BANK1: variants seen among roughly 807,000 people sequenced by gnomAD.
BANK1 encodes the protein B-cell scaffold protein with ankyrin repeats.
Under a neutral mutation model 94.5 loss-of-function variants are expected in BANK1, and 95 were observed. The ratio of observed to expected loss-of-function variants is 1.00; its 90% CI spans 0.85 to 1.19. The LOEUF is 1.19. Among genes scored for constraint, BANK1 ranks in the 50% most tolerant of loss-of-function variants. The pLI is 0.00. For synonymous variants in BANK1, 334 were observed against 308.4 expected (o/e 1.08, Z -0.87); for missense variants, 987 against 932.2 (o/e 1.06, Z -0.77).
At chr4:101,995,282 T>G (rs1326738521) in intron 7 of BANK1, among the ~76,000 whole-genome samples, 2 of 152,212 alleles carry the variant, frequency 1.3e-5, no homozygotes, top group Non-Finnish European at 2.9e-5. Context: ...AACTCATTCT[T>G]CTTTATGGCT....
intron 7 of BANK1, among the ~76,000 whole-genome samples, chr4:101,958,338 A>G (rs1724437093): frequency 6.6e-6 from 1 of 152,100 alleles, no homozygotes; most frequent in African/African-American, 2.4e-5. Context: ...GTTTTCCAAA[A>G]TGGAATAGTA....
chr4:102,025,035 G>T (rs1027331805), intron 8 of BANK1, among the ~76,000 whole-genome samples, 166 bp from the exon 9 acceptor site: 2 of 152,118 alleles, frequency 1.3e-5, no homozygotes, highest in African/African-American at 4.8e-5. Flanking sequence ...TAAAAACCCA[G>T]AAATAAATGA....
At chr4:101,988,522 AT>A (rs1030247850) in intron 7 of BANK1, among the ~76,000 whole-genome samples, 1 of 152,184 alleles carries the variant, frequency 6.6e-6, no homozygotes, top group Non-Finnish European at 1.5e-5. Context: ...TCAACAAAGT[AT>A]TTTTGAAAAT....
intron 13 of BANK1, among the ~76,000 whole-genome samples, chr4:102,064,642 C>G (rs1728530050): frequency 6.6e-6 from 1 of 152,182 alleles, no homozygotes; most frequent in Admixed American, 6.5e-5. Context: ...TTCAGCCGCA[C>G]TGGAATAAAT....
chr4:101,907,894 T>C (rs936375118), intron 6 of BANK1, among the ~76,000 whole-genome samples: 2 of 152,008 alleles, frequency 1.3e-5, no homozygotes, highest in Non-Finnish European at 2.9e-5. Context: ...CACTGCTCAA[T>C]GAAATAAAAG....
chr4:102,065,171 A>G (rs1445937257), intron 13 of BANK1, among the ~76,000 whole-genome samples: 4 of 152,192 alleles, frequency 2.6e-5, no homozygotes, highest in African/African-American at 9.6e-5. Flanking sequence ...TAACACCTCC[A>G]TAAAATACCT....
At chr4:102,057,333 TC>T (rs1728264110) in intron 11 of BANK1, among the ~76,000 whole-genome samples, 3 of 151,268 alleles carry the variant, frequency 2.0e-5, no homozygotes, top group African/African-American at 7.3e-5. Context: ...TCTCTCTCTC[TC>T]TCTTTCTCTC....
intron 7 of BANK1, among the ~76,000 whole-genome samples, chr4:101,964,176 G>GC (rs1464076203): frequency 2.6e-5 from 4 of 152,026 alleles, no homozygotes; most frequent in Admixed American, 2.6e-4. Context: ...TAGAATCTTA[G>GC]CTAAGGGGTT....
chr4:101,901,415 T>C (rs1018887960), intron 6 of BANK1, among the ~76,000 whole-genome samples: 13 of 152,184 alleles, frequency 8.5e-5, no homozygotes, highest in African/African-American at 2.9e-4. Context: ...AATTGACTGC[T>C]TTTTTGCTCA....
At chr4:101,851,250 T>A (rs930274589) in intron 2 of BANK1, among the ~76,000 whole-genome samples, 3 of 152,184 alleles carry the variant, frequency 2.0e-5, no homozygotes, top group African/African-American at 7.2e-5. Context: ...GTTTGAATGA[T>A]CTGGATAGAA....
At chr4:102,048,780 G>A (rs973013212) in intron 11 of BANK1, among the ~76,000 whole-genome samples, 3 of 152,126 alleles carry the variant, frequency 2.0e-5, no homozygotes, top group Admixed American at 1.3e-4. Context: ...GCAAGGGATT[G>A]CCAGGAAGTT....
At position 102,060,253 on chromosome 4, in the gene BANK1, G is replaced by A. The variant is rs776251216; in HGVS notation, c.2012G>A (p.Gly671Asp). 2 of 1,604,832 alleles carry A rather than the reference G, an allele frequency of 1.2e-6. No homozygotes were observed. Among genetic ancestry groups the A allele is most frequent in the Non-Finnish European group, 1.7e-6 (2 of 1,177,316 alleles). ...AGTCCAGCCTTTTCTACTCTCAGGG[G>A]CTGTCTAACTGATGGTCAGGAAGAA... ...IESPAFSTLR[G>D]CLTDGQEELI... is the part of the protein sequence containing the mutation. Residue 671 changes from glycine to aspartate, a missense_variant, in exon 12 of 17, where the codon GGC becomes GAC. Transcript: ENST00000322953.
chr4:102,024,513 A>G (rs1406684736), intron 8 of BANK1, among the ~76,000 whole-genome samples: 1 of 152,068 alleles, frequency 6.6e-6, no homozygotes, highest in East Asian at 1.9e-4. Flanking sequence ...AAATAATGGT[A>G]TGGTTGTCAG....
intron 7 of BANK1, among the ~76,000 whole-genome samples, chr4:101,974,884 G>A (rs1327109880): frequency 6.6e-6 from 1 of 152,070 alleles, no homozygotes; most frequent in Non-Finnish European, 1.5e-5. Context: ...TTGAACCTGG[G>A]AAGTGGAGGT....
At chr4:101,831,043 C>T (rs952930541) in intron 2 of BANK1, among the ~76,000 whole-genome samples, 1 of 152,136 alleles carries the variant, frequency 6.6e-6, no homozygotes, top group Non-Finnish European at 1.5e-5. Flanking sequence ...TTGTCTAATG[C>T]ATATAGATTC....
chr4:101,849,526 C>T (rs1379272749), intron 2 of BANK1, among the ~76,000 whole-genome samples: 1 of 151,962 alleles, frequency 6.6e-6, no homozygotes, highest in East Asian at 1.9e-4. Flanking sequence ...CATATACACA[C>T]ACACACAAAT....
chr4:101,998,101 A>G (rs1725941888), intron 7 of BANK1, among the ~76,000 whole-genome samples: 1 of 152,166 alleles, frequency 6.6e-6, no homozygotes, highest in African/African-American at 2.4e-5. Context: ...TTTCCCAGAC[A>G]TTTTGGTACA....
intron 7 of BANK1, among the ~76,000 whole-genome samples, chr4:101,989,344 T>A (rs1209318860): frequency 6.8e-6 from 1 of 146,364 alleles, no homozygotes; most frequent in Non-Finnish European, 1.5e-5. Flanking sequence ...GGCAGGAGAA[T>A]CGCTTGAACC....
At chr4:101,791,912 A>G (rs1310577135) in intron 1 of BANK1, among the ~76,000 whole-genome samples, 3 of 152,186 alleles carry the variant, frequency 2.0e-5, no homozygotes, top group African/African-American at 7.2e-5. Flanking sequence ...CCATAACTTA[A>G]TATTATTAAT....
Sources: allele counts gnomAD v4.1 joint callset (sites outside exome capture counted in the v4.1 genomes callset), GRCh38; gene constraint gnomAD v4.1.1; transcripts MANE v1.5; gene names NCBI Gene and HGNC (gene_info 2026-07-23, HGNC 2026-07-21).